Variants in ARHGEF10 observed in about 807,000 individuals in gnomAD.
The protein encoded by ARHGEF10 is Rho guanine nucleotide exchange factor 10.
In ARHGEF10, 140 loss-of-function variants were observed where a neutral mutation model predicts 147.4. That is an observed-to-expected ratio of 0.95 (90% CI 0.83 to 1.09). The LOEUF (loss-of-function observed/expected upper bound fraction) is 1.09. Ranked by LOEUF, ARHGEF10 falls within the 50% of genes least tolerant of loss-of-function variation. The pLI is 0.00. For synonymous variants in ARHGEF10, 902 were observed against 695.8 expected (o/e 1.30, Z -4.67); for missense variants, 2,222 against 1,752.7 (o/e 1.27, Z -4.78).
chr8:1,893,699 CT>C, intron 12 of ARHGEF10, 53 bp downstream of exon 12: 1 of 1,349,334 alleles, frequency 7.4e-7, no homozygotes, highest in Non-Finnish European at 1.1e-6. Flanking sequence ...TCTTTTTTAC[CT>C]ATATACATTT....
At chr8:1,852,503 G>A (rs372297529) in intron 2 of ARHGEF10, among the ~76,000 whole-genome samples, 6 of 143,534 alleles carry the variant, frequency 4.2e-5, no homozygotes, top group African/African-American at 1.3e-4. Flanking sequence ...GAGCAGCACC[G>A]TTTCTGTCCT....
chr8:1,939,474 C>G (rs1391545726), intron 26 of ARHGEF10, among the ~76,000 whole-genome samples: 1 of 152,222 alleles, frequency 6.6e-6, no homozygotes, highest in Non-Finnish European at 1.5e-5. Flanking sequence ...AACACTCCCT[C>G]CAGGCCTCAG....
At chr8:1,886,608 G>C (rs1056021748) in intron 11 of ARHGEF10, among the ~76,000 whole-genome samples, 19 of 152,238 alleles carry the variant, frequency 1.2e-4, no homozygotes, top group African/African-American at 4.6e-4. Flanking sequence ...CATCACACGA[G>C]TGACGGGATG....
chr8:1,876,896 C>G (rs892828408), intron 8 of ARHGEF10, among the ~76,000 whole-genome samples, 162 bp downstream of exon 8: 1 of 152,218 alleles, frequency 6.6e-6, no homozygotes, highest in Non-Finnish European at 1.5e-5. Flanking sequence ...GAAGACGTGT[C>G]TTGTTTCATA....
chr8:1,957,490 G>A lies in ARHGEF10; in HGVS notation c.*227G>A, dbSNP rs1427451748. 3 of 658,200 alleles carry A rather than the reference G, an allele frequency of 4.6e-6. No individual in the cohort carries two copies. Among genetic ancestry groups the A allele is most frequent in the Non-Finnish European group, 7.6e-6 (3 of 393,126 alleles). The allele number at this position is 658,200 out of a possible 1,614,324, so 40.8% of individuals were successfully genotyped here. A position where few individuals can be genotyped will look rare whatever the true frequency, so the allele number is the denominator to read the frequency against. ...GCACTTCTCACGAAGGCAGAAGACT[G>A]ATGCAATTTTCGAGTAATTGAGTGC... On this transcript the variant is annotated 3_prime_UTR_variant, in exon 29 of 29. Coordinates refer to ENST00000349830, the MANE Select transcript of ARHGEF10 (RefSeq NM_014629.4).
intron 7 of ARHGEF10, among the ~76,000 whole-genome samples, chr8:1,875,234 G>C (rs1049837921): frequency 6.7e-6 from 1 of 149,002 alleles, no homozygotes; most frequent in African/African-American, 2.5e-5. Context: ...TGGTGGGAGA[G>C]TGCAGACACA....
intron 13 of ARHGEF10, among the ~76,000 whole-genome samples, chr8:1,895,320 T>C (rs1459449991): frequency 6.6e-6 from 1 of 152,224 alleles, no homozygotes; most frequent in Non-Finnish European, 1.5e-5. Context: ...CTGTAATTAT[T>C]TGAGACTATG....
chr8:1,890,827 C>T (rs1194324106), intron 11 of ARHGEF10, among the ~76,000 whole-genome samples: 4 of 152,020 alleles, frequency 2.6e-5, no homozygotes, highest in African/African-American at 9.7e-5. Context: ...TGGCACTTTT[C>T]CAAGGGCCTG....
chr8:1,841,634 T>C (rs1804040731), intron 1 of ARHGEF10, among the ~76,000 whole-genome samples: 1 of 151,698 alleles, frequency 6.6e-6, no homozygotes, highest in South Asian at 2.1e-4. Flanking sequence ...CGTCTGCTCA[T>C]CTCTCGGGGC....
Position 1,888,233 on chromosome 8 carries a change from TGAGTGTGGTGAGGGTTGC to T in ARHGEF10, c.1182+2530_1182+2547del, listed in dbSNP as rs1808936355. 8.4e-5 allele frequency among the ~76,000 whole-genome samples: 7 copies of T among 83,264 alleles called. 2 individuals carry two copies. Among genetic ancestry groups the T allele is most frequent in the African/African-American group, 4.0e-4 (7 of 17,398 alleles). 54.6% of individuals were successfully genotyped at this position (83,264 alleles called of 152,430 possible). ...TGGGGCGAGGGTTGCGAGGAGACAG[TGAGTGTGGTGAGGGTTGC>T]GAGGAGATGCTGAGTGGGGCTGTAG... On this transcript the variant is annotated intron_variant, in intron 11 of 28. Coordinates refer to ENST00000349830, the MANE Select transcript of ARHGEF10 (RefSeq NM_014629.4).
chr8:1,866,128 T>C (rs1174853013), intron 5 of ARHGEF10, among the ~76,000 whole-genome samples: 1 of 152,178 alleles, frequency 6.6e-6, no homozygotes, highest in African/African-American at 2.4e-5. Context: ...GACCTGCTCC[T>C]GGACATGGAG....
chr8:1,828,777 T>G (rs913985491), intron 1 of ARHGEF10, among the ~76,000 whole-genome samples: 11 of 151,106 alleles, frequency 7.3e-5, no homozygotes, highest in East Asian at 5.9e-4. Context: ...GCACACTTAC[T>G]GTTTTAAGGA....
At chr8:1,902,983 C>T (rs746745473) in intron 15 of ARHGEF10, among the ~76,000 whole-genome samples, 3 of 152,168 alleles carry the variant, frequency 2.0e-5, no homozygotes, top group African/African-American at 4.8e-5. Flanking sequence ...CTATCATCAT[C>T]GTGAGCATCG....
rs775019690 is a variant in ARHGEF10 at position 1,882,658 on chromosome 8, G to A, written c.984G>A (p.Ala328=). The change falls in exon 10 of 29, where the codon GCG becomes GCA. Residue 328 remains alanine (A), a synonymous_variant. Transcript: ENST00000349830. ...ELKMQKLVKA[A]KDGTKDGLER... The stretch of plus-strand genomic sequence containing the variant: ...AGATGCAGAAGCTCGTGAAGGCCGC[G>A]AAGGACGGCACCAAGGACGGGCTGG... The A allele has an allele frequency of 4.5e-6, 7 of 1,554,854 alleles. No individual in the cohort carries two copies. Among genetic ancestry groups the A allele is most frequent in the African/African-American group, 4.1e-5 (3 of 73,408 alleles).
intron 11 of ARHGEF10, among the ~76,000 whole-genome samples, chr8:1,892,277 C>CTGTGTGTGTGTGTGTGTGTGTGTG (rs66526026): frequency 2.4e-5 from 3 of 126,644 alleles, no homozygotes; most frequent in African/African-American, 9.6e-5. Flanking sequence ...GCTTCTGGCT[C>CTGTGTGTGTGTGTGTGTGTGTGTG]TGTGTGTGTG....
chr8:1,877,717 G>A (rs1321432954), intron 8 of ARHGEF10, among the ~76,000 whole-genome samples: 6 of 139,162 alleles, frequency 4.3e-5, no homozygotes, highest in South Asian at 2.4e-4. Flanking sequence ...CCGTGCCACC[G>A]GTGTTTTGTT....
At chr8:1,942,679 C>T (rs1814200482) in intron 26 of ARHGEF10, among the ~76,000 whole-genome samples, 1 of 152,164 alleles carries the variant, frequency 6.6e-6, no homozygotes, top group Non-Finnish European at 1.5e-5. Context: ...AAAGCGGATG[C>T]AGTCCAGACG....
intron 26 of ARHGEF10, among the ~76,000 whole-genome samples, chr8:1,941,674 AC>A (rs901616756): frequency 1.2e-4 from 18 of 152,340 alleles, no homozygotes; most frequent in African/African-American, 4.3e-4. Context: ...TAGAAAAAGA[AC>A]AAAATTGGAG....
Position 1,937,646 on chromosome 8 carries a change from A to G in ARHGEF10, c.3222+3704A>G, listed in dbSNP as rs929515463. Among the ~76,000 whole-genome samples, 1 of 152,252 alleles carries G rather than the reference A, an allele frequency of 6.6e-6. No individual in the cohort carries two copies. The highest frequency in any genetic ancestry group is 1.5e-5 in the Non-Finnish European group (1 of 68,042). On this transcript the variant is annotated intron_variant, in intron 26 of 28. Coordinates refer to ENST00000349830, the MANE Select transcript of ARHGEF10 (RefSeq NM_014629.4). This position sits in a 1 kb window ranked among gnomAD's most constrained non-coding sequence, Gnocchi z 4.9. ...ATTCATCCTGTCGTTCCCGTTGTGC[A>G]GGGGAACTGTGGCCAGGGGCTGGGG...
Sources: gnomAD v4.1 joint callset for allele counts (sites outside exome capture counted in the v4.1 genomes callset) on GRCh38, gnomAD v4.1.1 for gene constraint, Gnocchi (gnomAD v3.1) non-coding constraint, MANE v1.5 for transcripts, NCBI Gene and HGNC (gene_info 2026-07-23, HGNC 2026-07-21) for gene names.